CALD1: variants seen among roughly 807,000 people sequenced by gnomAD.
CALD1 encodes the protein caldesmon 1, also known as caldesmon.
A neutral mutation model predicts 99.9 loss-of-function variants in CALD1; 33 were observed. The observed-to-expected ratio is 0.33, with a 90% CI of 0.25 to 0.44. The LOEUF (loss-of-function observed/expected upper bound fraction) is 0.44, where lower values mean the gene tolerates loss of function less well. Among genes scored for constraint, CALD1 ranks in the 20% least tolerant of loss-of-function variants. The pLI, the probability that CALD1 is intolerant of heterozygous loss-of-function variation, is 1.00. For synonymous variants in CALD1, 310 were observed against 325.0 expected (o/e 0.95, Z 0.50); for missense variants, 861 against 962.1 (o/e 0.89, Z 1.39).
intron 4 of CALD1, among the ~76,000 whole-genome samples, chr7:134,929,648 A>C (rs373757806): frequency 1.2e-5 from 1 of 86,158 alleles, no homozygotes; most frequent in Non-Finnish European, 2.2e-5. Flanking sequence ...GTGTGTGTGT[A>C]TATATATATA....
chr7:134,765,072 T>C (rs913466686), intron 1 of CALD1, among the ~76,000 whole-genome samples: 1 of 152,148 alleles, frequency 6.6e-6, no homozygotes, highest in African/African-American at 2.4e-5. Flanking sequence ...ATCCCAGTAT[T>C]TTGGAAGGCT....
chr7:134,925,069 T>C (rs1231554611), intron 3 of CALD1, among the ~76,000 whole-genome samples: 4 of 152,162 alleles, frequency 2.6e-5, no homozygotes, highest in African/African-American at 9.7e-5. Context: ...CAGTTCTTTA[T>C]AGCAGTGTGA....
Position 134,805,146 on chromosome 7 carries a change from A to G in CALD1, c.-130+25397A>G, listed in dbSNP as rs374258232. Among the ~76,000 whole-genome samples, 11 of 152,334 alleles carry G rather than the reference A, an allele frequency of 7.2e-5. No homozygotes were observed. In the East Asian group the frequency reaches 1.2e-3, roughly 16 times the overall value. ...ATTCTGAATACTATGGGCCTGTTCA[A>G]TCCAGAAAAACACATCTTATAGTTA... On this transcript the variant is annotated intron_variant, in intron 1 of 14. Coordinates refer to ENST00000361675, the MANE Select transcript of CALD1 (RefSeq NM_033138.4).
intron 1 of CALD1, among the ~76,000 whole-genome samples, chr7:134,757,401 T>C (rs1434573081): frequency 6.6e-6 from 1 of 152,168 alleles, no homozygotes; most frequent in Non-Finnish European, 1.5e-5. Context: ...TAGATCCTAC[T>C]ATCTATCCTG....
chr7:134,820,721 G>GA (rs370723645), intron 1 of CALD1, among the ~76,000 whole-genome samples: 10 of 152,210 alleles, frequency 6.6e-5, no homozygotes, highest in South Asian at 2.1e-4. Context: ...AATTTCAAAG[G>GA]AAAAATCTAT....
intron 1 of CALD1, among the ~76,000 whole-genome samples, chr7:134,804,951 A>G (rs2131871973): frequency 6.6e-6 from 1 of 152,342 alleles, no homozygotes; most frequent in African/African-American, 2.4e-5. Flanking sequence ...CTGATAACTC[A>G]GGATGGGAAT....
intron 1 of CALD1, among the ~76,000 whole-genome samples, chr7:134,787,626 A>C (rs1797356726): frequency 6.6e-6 from 1 of 152,148 alleles, no homozygotes; most frequent in Admixed American, 6.5e-5. Context: ...GTGGACCCTA[A>C]GAGACAGGAG....
intron 3 of CALD1, among the ~76,000 whole-genome samples, chr7:134,921,200 T>C (rs1363301790): frequency 6.6e-6 from 1 of 152,250 alleles, no homozygotes; most frequent in Admixed American, 6.5e-5. Context: ...GTCTCATGTA[T>C]GAAAGACTGT....
intron 1 of CALD1, among the ~76,000 whole-genome samples, chr7:134,792,258 A>ACGT (rs931371750): frequency 1.3e-5 from 2 of 148,918 alleles, no homozygotes; most frequent in Non-Finnish European, 3.0e-5. Context: ...TTCTTTCTGA[A>ACGT]CGTGTATCTG....
chr7:134,944,911 C>G (rs1254600904), intron 7 of CALD1, among the ~76,000 whole-genome samples: 2 of 152,142 alleles, frequency 1.3e-5, no homozygotes. Flanking sequence ...TACTGAAGTT[C>G]TACTTTGAGT....
chr7:134,943,040 T>C (rs778021808), intron 7 of CALD1, among the ~76,000 whole-genome samples: 33 of 152,266 alleles, frequency 2.2e-4, no homozygotes, highest in Middle Eastern at 6.8e-3. Flanking sequence ...GCTGCTACCA[T>C]ATTATTTATT....
At chr7:134,750,464 A>G (rs1796676171) in intron 1 of CALD1, among the ~76,000 whole-genome samples, 1 of 152,160 alleles carries the variant, frequency 6.6e-6, no homozygotes, top group Non-Finnish European at 1.5e-5. Context: ...ATTACCGATT[A>G]CCGCTAGAAT....
At chr7:134,721,711 G>A in the CALD1 span, among the ~76,000 whole-genome samples, 1 of 152,120 alleles carries the variant, frequency 6.6e-6, no homozygotes, top group Non-Finnish European at 1.5e-5. Context: ...CTTGGCGGTA[G>A]TGTCTCCATC....
intron 1 of CALD1, among the ~76,000 whole-genome samples, chr7:134,786,386 A>T (rs1447518120): frequency 2.0e-5 from 3 of 152,248 alleles, no homozygotes; most frequent in African/African-American, 4.8e-5. Context: ...GTGGACTTAA[A>T]ACATATAATT....
the CALD1 span, among the ~76,000 whole-genome samples, chr7:134,715,914 A>G: frequency 6.6e-6 from 1 of 152,194 alleles, no homozygotes; most frequent in Non-Finnish European, 1.5e-5. Flanking sequence ...AAAATTTGCA[A>G]AATAGTTTTA....
chr7:134,741,811 G>C (rs984783235), upstream of CALD1, among the ~76,000 whole-genome samples: 2 of 152,138 alleles, frequency 1.3e-5, no homozygotes, highest in African/African-American at 2.4e-5. Context: ...GGCAAGTTAA[G>C]AGATGAGGAA....
the CALD1 span, among the ~76,000 whole-genome samples, chr7:134,729,650 T>C: frequency 1.3e-5 from 2 of 152,202 alleles, no homozygotes; most frequent in Non-Finnish European, 2.9e-5. Flanking sequence ...ACAGCCCTCT[T>C]GTACAGATGG....
chr7:134,874,351 T>C (rs1801247844), intron 3 of CALD1, among the ~76,000 whole-genome samples: 1 of 151,996 alleles, frequency 6.6e-6, no homozygotes, highest in Admixed American at 6.6e-5. Flanking sequence ...CAGCTAGTTT[T>C]TGTATTAATT....
At chr7:134,830,347 T>G (rs533522068) in intron 1 of CALD1, among the ~76,000 whole-genome samples, 23 of 152,302 alleles carry the variant, frequency 1.5e-4, no homozygotes, top group South Asian at 4.1e-4. Context: ...TTGCTACACC[T>G]TTGAATTATC....
Sources: gnomAD v4.1 joint callset for allele counts (sites outside exome capture counted in the v4.1 genomes callset) on GRCh38, gnomAD v4.1.1 for gene constraint, MANE v1.5 for transcripts, NCBI Gene and HGNC (gene_info 2026-07-23, HGNC 2026-07-21) for gene names.